Variants in SEC24D observed in about 807,000 individuals in gnomAD.
The protein encoded by SEC24D is SEC24 homolog D, COPII component, also known as protein transport protein Sec24D.
Under a neutral mutation model 116.9 loss-of-function variants are expected in SEC24D, and 69 were observed. The observed-to-expected ratio is 0.59, with a 90% CI of 0.49 to 0.72. The LOEUF is 0.72. Among genes scored for constraint, SEC24D ranks in the 30% least tolerant of loss-of-function variants. The pLI, the probability that SEC24D is intolerant of heterozygous loss-of-function variation, is 0.00. For missense variants in SEC24D, 1,131 were observed against 1,264.1 expected, an observed-to-expected ratio of 0.89 and a Z score of 1.60; for synonymous variants, 405 against 442.8, an observed-to-expected ratio of 0.91 and a Z score of 1.07.
intron 13 of SEC24D, among the ~76,000 whole-genome samples, chr4:118,749,952 T>C (rs1187339347): frequency 6.6e-6 from 1 of 152,250 alleles, no homozygotes; most frequent in Non-Finnish European, 1.5e-5. Flanking sequence ...TGTAAGAACA[T>C]TATTATACTA....
Position 118,739,288 on chromosome 4 carries a change from C to G in SEC24D, c.2239-1G>C. The G allele has an allele frequency of 1.2e-6, 2 of 1,610,550 alleles. No individual in the cohort carries two copies. The highest frequency in any genetic ancestry group is 1.7e-6 in the Non-Finnish European group (2 of 1,178,328). On this transcript the variant is annotated splice_acceptor_variant, in intron 17 of 22. Transcript: ENST00000280551. LOFTEE classifies it high-confidence loss of function. ...TGATTGTCGTGTAAAGCACAGCACACTGTAGAAGCAACATTGAGGTCACAT... is the reference window on the plus strand; with the variant it reads ...TGATTGTCGTGTAAAGCACAGCACAGTGTAGAAGCAACATTGAGGTCACAT...
chr4:118,744,174 A>C lies in SEC24D; in HGVS notation c.1825-16T>G, dbSNP rs771327414. On this transcript the variant is annotated splice_polypyrimidine_tract_variant and intron_variant, in intron 14 of 22. Coordinates refer to ENST00000280551, the MANE Select transcript of SEC24D (RefSeq NM_014822.4). ...GGAAAAGTATCTGGAAAAAAGATGCAAAAAAAAAGAAAAAATAAAAATTAC... is the reference window on the plus strand; with the variant it reads ...GGAAAAGTATCTGGAAAAAAGATGCCAAAAAAAAGAAAAAATAAAAATTAC... 149 of 1,436,892 alleles carry C rather than the reference A, an allele frequency of 1.0e-4. No homozygotes were observed. The East Asian group carries it at 3.7e-3, about 35-fold the overall frequency. 89.0% of individuals were successfully genotyped at this position (1,436,892 alleles called of 1,614,324 possible).
chr4:118,800,089 G>A (rs868541614), intron 7 of SEC24D, among the ~76,000 whole-genome samples: 37 of 152,254 alleles, frequency 2.4e-4, no homozygotes, highest in African/African-American at 8.9e-4. Context: ...CTCACTGAGG[G>A]CCAAATGCAG....
Position 118,815,039 on chromosome 4 carries a change from T to C in SEC24D, c.790A>G (p.Ile264Val), listed in dbSNP as rs773490095. The change falls in exon 6 of 23, where the codon ATC becomes GTC. Residue 264 changes from isoleucine (I) to valine (V), a missense_variant. By Grantham distance (29) the Ile-to-Val change is conservative. Transcript: ENST00000280551. ...AGAAGAGTACTTACTGGGCTAGGGA[T>C]AGAGTCAGGATCCAGCTTCTTCTGG... is the stretch of plus-strand genomic sequence containing the variant. ...QPQKKLDPDS[I>V]PSPIQVIEND... 2 of 1,614,106 alleles carry C rather than the reference T, an allele frequency of 1.2e-6. No homozygotes were observed. The highest frequency in any genetic ancestry group is 3.3e-5 in the Admixed American group (2 of 60,022).
rs535499671 is a variant in SEC24D, at chr4:118,794,169, T to C, written c.1041+3514A>G. On this transcript the variant is annotated intron_variant, in intron 8 of 22. Transcript: ENST00000280551. ...TATGTATAAAATGCGTATATGCATTTTTTAGGAGGCTTAAACTAATGTTTG... is the reference window on the plus strand; with the variant it reads ...TATGTATAAAATGCGTATATGCATTCTTTAGGAGGCTTAAACTAATGTTTG... 5.9e-5 allele frequency among the ~76,000 whole-genome samples: 9 copies of C among 152,318 alleles called. No individual in the cohort carries two copies. In the East Asian group the frequency reaches 1.7e-3, roughly 29 times the overall value.
Position 118,815,064 on chromosome 4 carries a change from G to C in SEC24D, c.765C>G (p.Pro255=). 2.5e-6 allele frequency: 4 copies of C among 1,614,120 alleles called. No homozygotes were observed. The highest frequency in any genetic ancestry group is 2.2e-5 in the East Asian group (1 of 44,874). Residue 255 remains proline (P), a synonymous_variant, in exon 6 of 23, where the codon CCC becomes CCG. Transcript: ENST00000280551. The stretch of plus-strand genomic sequence containing the variant: ...TAGAGTCAGGATCCAGCTTCTTCTG[G>C]GGCTGTGGCGGACCAGCCATCTGTG... ...GPAQMAGPPQ[P]QKKLDPDSIP...
chr4:118,724,450 A>G (rs1474405468), intron 22 of SEC24D, among the ~76,000 whole-genome samples: 2 of 152,238 alleles, frequency 1.3e-5, no homozygotes, highest in Non-Finnish European at 2.9e-5. Context: ...GATTCTAGAA[A>G]AAAATAGATT....
Position 118,757,799 on chromosome 4 carries a change from A to G in SEC24D, c.1343T>C (p.Val448Ala). The G allele has an allele frequency of 6.2e-7, 1 of 1,612,104 alleles. No individual in the cohort carries two copies. The highest frequency in any genetic ancestry group is 8.5e-7 in the Non-Finnish European group (1 of 1,178,900). ...TCCATTCTTTATGTTACTATATGAA[A>G]CATCAATCATGAAGATAAAGGCTGG... is the stretch of plus-strand genomic sequence containing the variant. ...NPPAFIFMIDVSYSNIKNGLV... is the reference protein window; with the variant it reads ...NPPAFIFMIDASYSNIKNGLV... The change falls in exon 11 of 23, where the codon GTT becomes GCT. Residue 448 changes from valine to alanine, a missense_variant. By Grantham distance (64) the Val-to-Ala change is moderately conservative. Transcript: ENST00000280551.
Position 118,815,148 on chromosome 4 carries a change from A to G in SEC24D, c.681T>C (p.Ser227=), listed in dbSNP as rs1398549828. The G allele has an allele frequency of 6.2e-7, 1 of 1,614,112 alleles. No homozygotes were observed. The highest frequency in any genetic ancestry group is 1.3e-5 in the African/African-American group (1 of 75,040). Residue 227 remains serine (S), a synonymous_variant, in exon 6 of 23, where the codon TCT becomes TCC. Transcript: ENST00000280551. ...GTTGTGCGCCTGCCATCTGGGGACC[A>G]GAGTTGGCTGCTTGGAAAAAATTTA... is the stretch of plus-strand genomic sequence containing the variant. ...GAGYPPQQAN[S]GPQMAGAQLS... is the part of the protein sequence containing the mutation.
intron 18 of SEC24D, 81 bp downstream of exon 18, chr4:118,739,068 A>C: frequency 7.0e-7 from 1 of 1,423,794 alleles, no homozygotes; most frequent in Non-Finnish European, 9.8e-7. Context: ...TTGCAAAACT[A>C]CAGTGCTTTT....
chr4:118,728,428 T>G, intron 22 of SEC24D, 133 bp downstream of exon 22: 1 of 612,132 alleles, frequency 1.6e-6, no homozygotes, highest in Non-Finnish European at 2.8e-6. Flanking sequence ...TTTTTTAACT[T>G]TTATTTTAGA....
intron 8 of SEC24D, among the ~76,000 whole-genome samples, chr4:118,789,495 C>A (rs1728798019): frequency 6.6e-6 from 1 of 152,168 alleles, no homozygotes; most frequent in Non-Finnish European, 1.5e-5. Context: ...CTTTTTCCCC[C>A]ACAATGGTAC....
Position 118,776,028 on chromosome 4 carries a change from C to G in SEC24D, c.1042-7717G>C, listed in dbSNP as rs140288508. On this transcript the variant is annotated intron_variant, in intron 8 of 22. Coordinates refer to ENST00000280551, the MANE Select transcript of SEC24D (RefSeq NM_014822.4). The stretch of plus-strand genomic sequence containing the variant: ...CCACTGATCCCAAGGGCCTACATTA[C>G]AGAGTAAATTCTCAATAAATATTTG... Among the ~76,000 whole-genome samples the G allele has an allele frequency of 3.4e-4, 50 of 148,842 alleles. No homozygotes were observed. The East Asian group carries it at 1.0e-2, about 30-fold the overall frequency.
At chr4:118,768,354 G>T in intron 8 of SEC24D, 43 bp from the exon 9 acceptor site, 2 of 1,506,914 alleles carry the variant, frequency 1.3e-6, no homozygotes, top group South Asian at 1.2e-5. Context: ...GTGAGTATAG[G>T]ATTTCTAGGT....
Position 118,832,133 on chromosome 4 carries a change from G to A in SEC24D, c.118+1446C>T, listed in dbSNP as rs1304395178. 3.3e-5 allele frequency among the ~76,000 whole-genome samples: 5 copies of A among 152,280 alleles called. No homozygotes were observed. The South Asian group carries it at 8.3e-4, about 25-fold the overall frequency. ...CAGGAGAATCACTAGAACCCAGGAGGCTGAGGCAGGAGAATCACTAGAACC... is the reference window on the plus strand; with the variant it reads ...CAGGAGAATCACTAGAACCCAGGAGACTGAGGCAGGAGAATCACTAGAACC... On this transcript the variant is annotated intron_variant, in intron 2 of 22. Transcript: ENST00000280551.
At chr4:118,735,876 A>G (rs1725932637) in intron 19 of SEC24D, 1 of 151,840 alleles carries the variant, frequency 6.6e-6, no homozygotes, top group Admixed American at 6.6e-5. Flanking sequence ...TATTTTTAGT[A>G]GAGGTGGAGG....
At chr4:118,808,900 C>T (rs1349026803) in intron 6 of SEC24D, among the ~76,000 whole-genome samples, 2 of 151,836 alleles carry the variant, frequency 1.3e-5, no homozygotes, top group Non-Finnish European at 2.9e-5. Flanking sequence ...GACGTGTGTG[C>T]CATGCAAGAA....
intron 8 of SEC24D, among the ~76,000 whole-genome samples, chr4:118,778,060 T>C (rs1198939982): frequency 2.6e-5 from 4 of 152,218 alleles, no homozygotes; most frequent in Admixed American, 6.5e-5. Flanking sequence ...GTAGGTTGCC[T>C]GTTCACTCTG....
chr4:118,823,898 T>A (rs887346533), intron 3 of SEC24D, among the ~76,000 whole-genome samples: 2 of 152,128 alleles, frequency 1.3e-5, no homozygotes, highest in Non-Finnish European at 2.9e-5. Flanking sequence ...TTGGCGACAA[T>A]CCGATTTAAT....
Sources: gnomAD v4.1 joint callset for allele counts (sites outside exome capture counted in the v4.1 genomes callset) on GRCh38, gnomAD v4.1.1 for gene constraint, MANE v1.5 for transcripts, NCBI Gene and HGNC (gene_info 2026-07-23, HGNC 2026-07-21) for gene names.